Variants in SLC4A7 observed in about 807,000 individuals in gnomAD.
The protein encoded by SLC4A7 is sodium bicarbonate cotransporter 3.
SLC4A7 carries 51 observed loss-of-function variants against 137.6 expected under a neutral mutation model. The ratio of observed to expected loss-of-function variants is 0.37; its 90% CI spans 0.30 to 0.47. The LOEUF is 0.47. Ranked by LOEUF, SLC4A7 falls within the 20% of genes least tolerant of loss-of-function variation. The pLI is 1.00. For missense variants in SLC4A7, 1,247 were observed against 1,525.4 expected, an observed-to-expected ratio of 0.82 and a Z score of 3.04; for synonymous variants, 542 against 518.6, an observed-to-expected ratio of 1.05 and a Z score of -0.61.
chr3:27,382,395 G>C (rs555486231), intron 24 of SLC4A7, among the ~76,000 whole-genome samples: 1 of 152,124 alleles, frequency 6.6e-6, no homozygotes, highest in Admixed American at 6.5e-5. Flanking sequence ...GATTACAGGT[G>C]TGAGCCACCA....
At chr3:27,465,060 G>C (rs575421696) in intron 1 of SLC4A7, among the ~76,000 whole-genome samples, 2 of 151,996 alleles carry the variant, frequency 1.3e-5, no homozygotes, top group East Asian at 3.9e-4. Flanking sequence ...CACTTTGGGA[G>C]GCCAAGGTGG....
rs368137901 is a variant in SLC4A7, at chr3:27,417,255, G to C, written c.1659+1231C>G. Among the ~76,000 whole-genome samples, 214 of 152,190 alleles carry C rather than the reference G, an allele frequency of 1.4e-3. 1 individual carries two copies. In the Middle Eastern group the frequency reaches 0.017, roughly 12 times the overall value. On this transcript the variant is annotated intron_variant, in intron 11 of 25. Transcript: ENST00000454389. Reference sequence around the variant, plus strand: ...CAATGTTTAGCTCTTAATGAACAGGGAGAACCAGGCAGGAACTTAGAAAAA... The same window carrying C: ...CAATGTTTAGCTCTTAATGAACAGGCAGAACCAGGCAGGAACTTAGAAAAA...
chr3:27,430,145 G>C (rs1220515741), intron 7 of SLC4A7, among the ~76,000 whole-genome samples: 1 of 151,964 alleles, frequency 6.6e-6, no homozygotes, highest in African/African-American at 2.4e-5. Flanking sequence ...GGAGTTCAAG[G>C]CTGCAGTGAG....
intron 23 of SLC4A7, among the ~76,000 whole-genome samples, chr3:27,385,373 T>C (rs1398614574): frequency 6.6e-6 from 1 of 152,174 alleles, no homozygotes; most frequent in African/African-American, 2.4e-5. Flanking sequence ...ACACAGTAAG[T>C]GCATATAAAG....
intron 12 of SLC4A7, among the ~76,000 whole-genome samples, chr3:27,409,895 T>C (rs2053741106): frequency 6.6e-6 from 1 of 152,174 alleles, no homozygotes; most frequent in Non-Finnish European, 1.5e-5. Flanking sequence ...TTCTATTAAT[T>C]GTCTATATTA....
Position 27,390,081 on chromosome 3 carries a change from A to G in SLC4A7, c.3210T>C (p.Phe1070=). Residue 1070 remains phenylalanine, a synonymous_variant, in exon 22 of 26, where the codon TTT becomes TTC. Transcript: ENST00000454389. Reference sequence around the variant, plus strand: ...CAGGCTGATGCTTAGCAGGCATTCCAAATAATTTTATACGGTCAAATAACT... The same window carrying G: ...CAGGCTGATGCTTAGCAGGCATTCCGAATAATTTTATACGGTCAAATAACT... ...GIQLFDRIKL[F]GMPAKHQPDL... The G allele has an allele frequency of 6.2e-7, 1 of 1,604,210 alleles. No homozygotes were observed.
At chr3:27,390,459 A>T (rs957587629) in intron 21 of SLC4A7, 1 of 169,320 alleles carries the variant, frequency 5.9e-6, no homozygotes, top group Non-Finnish European at 1.3e-5. Flanking sequence ...ACAAAAGAAT[A>T]GTCTGAGTGA....
At chr3:27,460,180 T>C (rs889080109) in intron 1 of SLC4A7, among the ~76,000 whole-genome samples, 2 of 151,918 alleles carry the variant, frequency 1.3e-5, no homozygotes, top group African/African-American at 2.4e-5. Flanking sequence ...ATTATAGGCG[T>C]CCACCACTAC....
chr3:27,397,246 C>T (rs1277090920), intron 18 of SLC4A7, among the ~76,000 whole-genome samples: 1 of 152,104 alleles, frequency 6.6e-6, no homozygotes, highest in African/African-American at 2.4e-5. Context: ...GAACTCCTGA[C>T]CTCAAGTGAT....
intron 12 of SLC4A7, 98 bp downstream of exon 12, chr3:27,411,544 G>T: frequency 2.0e-6 from 1 of 499,138 alleles, no homozygotes; most frequent in Non-Finnish European, 3.3e-6. Flanking sequence ...AAAAAATACT[G>T]TACAAGATTA....
Position 27,484,176 on chromosome 3 carries a change from C to A in SLC4A7, c.-50G>T. 8.1e-7 allele frequency: 1 copy of A among 1,229,516 alleles called. No individual in the cohort carries two copies. The highest frequency in any genetic ancestry group is 3.1e-5 in the South Asian group (1 of 32,424). 76.2% of individuals were successfully genotyped at this position (1,229,516 alleles called of 1,614,324 possible). On this transcript the variant is annotated 5_prime_UTR_variant, in exon 1 of 26. Transcript: ENST00000454389. ...CCGCTACGGTACTGCCCCGCGCGGT[C>A]TGCCTGCTTCTGCCGCTGCCCCTGC...
intron 3 of SLC4A7, among the ~76,000 whole-genome samples, chr3:27,441,861 T>C (rs1195251200): frequency 6.6e-6 from 1 of 152,110 alleles, no homozygotes; most frequent in African/African-American, 2.4e-5. Flanking sequence ...TCAATTTAGT[T>C]GCCACAAAGT....
intron 16 of SLC4A7, among the ~76,000 whole-genome samples, chr3:27,400,051 T>C (rs1250623093): frequency 6.6e-6 from 1 of 152,190 alleles, no homozygotes; most frequent in African/African-American, 2.4e-5. Context: ...ACTTATATGA[T>C]ATAAAAAGCA....
intron 1 of SLC4A7, among the ~76,000 whole-genome samples, chr3:27,463,573 T>C (rs2058813509): frequency 6.6e-6 from 1 of 152,044 alleles, no homozygotes; most frequent in Non-Finnish European, 1.5e-5. Context: ...CCCAATGCGG[T>C]GGCTAATGTA....
intron 25 of SLC4A7, among the ~76,000 whole-genome samples, chr3:27,377,208 A>C (rs770371510): frequency 6.6e-6 from 1 of 152,126 alleles, no homozygotes; most frequent in Non-Finnish European, 1.5e-5. Flanking sequence ...TAATATATGA[A>C]TCTTTGTTAA....
rs1053938502 is a variant in SLC4A7, at chr3:27,391,726, T to C, written c.3186+14A>G. The C allele has an allele frequency of 1.4e-6, 2 of 1,416,932 alleles. No individual in the cohort carries two copies. The highest frequency in any genetic ancestry group is 2.0e-6 in the Non-Finnish European group (2 of 1,013,754). 87.8% of individuals were successfully genotyped at this position (1,416,932 alleles called of 1,614,324 possible). ...CAAGTTTCTATAGAAAATCATTAAA[T>C]ACTTAAAACTTGCCTGGATTCCTTT... On this transcript the variant is annotated intron_variant, in intron 21 of 25. Transcript: ENST00000454389.
At chr3:27,410,045 CA>C (rs1339632070) in intron 12 of SLC4A7, among the ~76,000 whole-genome samples, 1 of 152,226 alleles carries the variant, frequency 6.6e-6, no homozygotes, top group East Asian at 1.9e-4. Context: ...ACTAGTACTT[CA>C]ATCGTATAAA....
chr3:27,421,901 A>G, intron 8 of SLC4A7, 122 bp from the exon 9 acceptor site: 2 of 674,632 alleles, frequency 3.0e-6, no homozygotes, highest in Non-Finnish European at 4.9e-6. Context: ...TGATCTAATG[A>G]ATGTTTAAAA....
chr3:27,384,027 T>C (rs1278760534), intron 23 of SLC4A7, among the ~76,000 whole-genome samples: 1 of 152,144 alleles, frequency 6.6e-6, no homozygotes, highest in Non-Finnish European at 1.5e-5. Flanking sequence ...ACTTGGACAG[T>C]GGACACGGAA....
Sources: allele counts gnomAD v4.1 joint callset (sites outside exome capture counted in the v4.1 genomes callset), GRCh38; gene constraint gnomAD v4.1.1; transcripts MANE v1.5; gene names NCBI Gene and HGNC (gene_info 2026-07-23, HGNC 2026-07-21).